Variants in AIG1 observed in about 807,000 individuals in gnomAD.
AIG1 encodes androgen-induced gene 1 protein.
A neutral mutation model predicts 31.4 loss-of-function variants in AIG1; 23 were observed. That is an observed-to-expected ratio of 0.73 (90% CI 0.53 to 1.04). AIG1 has a LOEUF of 1.04. Ranked by LOEUF, AIG1 falls within the 50% of genes least tolerant of loss-of-function variation. AIG1 has a pLI of 0.00. For missense variants in AIG1, 274 were observed against 295.0 expected (o/e 0.93, Z 0.52); for synonymous variants, 100 against 110.5 (o/e 0.90, Z 0.60).
chr6:143,221,940 T>A (rs1792550386), intron 3 of AIG1, among the ~76,000 whole-genome samples: 1 of 152,164 alleles, frequency 6.6e-6, no homozygotes, highest in Non-Finnish European at 1.5e-5. Flanking sequence ...GTCGACAGGA[T>A]GATAAGGTAG....
At chr6:143,188,042 A>T (rs1789431918) in intron 3 of AIG1, 2 of 1,079,954 alleles carry the variant, frequency 1.9e-6, no homozygotes, top group Non-Finnish European at 2.3e-6. Context: ...GTGATTTTTA[A>T]AAAACATTTG....
rs573718567 is a variant in AIG1, at chr6:143,198,301, C to A, written c.399+33118C>A. ...ATGCAAACAAAAGTTTGCCTAGAACCAAACCCAGCCAGCCTTTCTACTTTG... is the reference window on the plus strand; with the variant it reads ...ATGCAAACAAAAGTTTGCCTAGAACAAAACCCAGCCAGCCTTTCTACTTTG... On this transcript the variant is annotated intron_variant, in intron 3 of 5. Coordinates refer to ENST00000357847, the MANE Select transcript of AIG1 (RefSeq NM_016108.4). Among the ~76,000 whole-genome samples the A allele has an allele frequency of 2.6e-5, 4 of 152,264 alleles. No homozygotes were observed. The East Asian group carries it at 7.7e-4, about 29-fold the overall frequency.
chr6:143,229,703 G>A (rs1793287206), intron 3 of AIG1, among the ~76,000 whole-genome samples: 1 of 147,672 alleles, frequency 6.8e-6, no homozygotes, highest in Non-Finnish European at 1.5e-5. Context: ...GATGATCAAG[G>A]CAATGCCCTT....
chr6:143,116,824 G>C (rs1781780498), intron 1 of AIG1, among the ~76,000 whole-genome samples: 1 of 151,708 alleles, frequency 6.6e-6, no homozygotes, highest in South Asian at 2.1e-4. Context: ...CTTGTGAAAG[G>C]CATCCAGTTT....
At chr6:143,224,167 G>A (rs1792754006) in intron 3 of AIG1, among the ~76,000 whole-genome samples, 1 of 152,296 alleles carries the variant, frequency 6.6e-6, no homozygotes, top group South Asian at 2.1e-4. Flanking sequence ...TAACTAGAGG[G>A]TGATTTCGCT....
intron 5 of AIG1, among the ~76,000 whole-genome samples, chr6:143,337,680 T>C (rs974294649): frequency 3.9e-5 from 6 of 152,210 alleles, no homozygotes; most frequent in Non-Finnish European, 7.3e-5. Flanking sequence ...GAGACGTCTA[T>C]GTGTGCAGAA....
intron 1 of AIG1, among the ~76,000 whole-genome samples, chr6:143,114,867 G>C (rs1008632445): frequency 6.6e-6 from 1 of 152,220 alleles, no homozygotes; most frequent in Non-Finnish European, 1.5e-5. Flanking sequence ...TTGTGAGATA[G>C]AGATAGCTGG....
intron 4 of AIG1, among the ~76,000 whole-genome samples, chr6:143,323,740 G>A (rs1776402927): frequency 2.0e-5 from 3 of 152,004 alleles, no homozygotes; most frequent in South Asian, 2.1e-4. Flanking sequence ...TCACAGCCAC[G>A]CAATCCCCAC....
chr6:143,154,125 G>A (rs1562434789), intron 2 of AIG1, among the ~76,000 whole-genome samples: 1 of 151,864 alleles, frequency 6.6e-6, no homozygotes, highest in South Asian at 2.1e-4. Context: ...GGGTCTCACT[G>A]CCTGACCTCA....
At chr6:143,147,566 C>T (rs766234018) in intron 2 of AIG1, among the ~76,000 whole-genome samples, 5 of 152,054 alleles carry the variant, frequency 3.3e-5, no homozygotes, top group African/African-American at 4.8e-5. Context: ...GCCCAGGGGG[C>T]GGCTATTACA....
chr6:143,105,556 A>T (rs1368242973), intron 1 of AIG1, among the ~76,000 whole-genome samples: 2 of 152,188 alleles, frequency 1.3e-5, no homozygotes, highest in Non-Finnish European at 2.9e-5. Flanking sequence ...TGATACCAAT[A>T]TTTCTCCCAC....
chr6:143,306,233 T>C (rs1337114397), intron 4 of AIG1, among the ~76,000 whole-genome samples: 13 of 152,158 alleles, frequency 8.5e-5, no homozygotes, highest in Admixed American at 4.6e-4. Context: ...ACATTTAAAG[T>C]TAATATTGTT....
intron 3 of AIG1, among the ~76,000 whole-genome samples, chr6:143,267,295 T>C (rs1027691886): frequency 1.4e-4 from 21 of 152,202 alleles, no homozygotes; most frequent in Admixed American, 1.3e-3. Flanking sequence ...TCTTCATGCA[T>C]CCTAGCTTTT....
intron 1 of AIG1, among the ~76,000 whole-genome samples, chr6:143,075,214 A>T (rs762724398): frequency 1.3e-5 from 2 of 152,054 alleles, no homozygotes; most frequent in Non-Finnish European, 2.9e-5. Context: ...TAGGAGTTAA[A>T]CAAATTTTTA....
At chr6:143,134,626 GAAAT>G (rs1783567554) in intron 1 of AIG1, among the ~76,000 whole-genome samples, 1 of 151,712 alleles carries the variant, frequency 6.6e-6, no homozygotes, top group South Asian at 2.1e-4. Flanking sequence ...ATTATATCAC[GAAAT>G]AAATAGAGTA....
intron 1 of AIG1, among the ~76,000 whole-genome samples, chr6:143,108,544 C>T (rs1015822111): frequency 1.3e-5 from 2 of 152,206 alleles, no homozygotes; most frequent in Admixed American, 1.3e-4. Context: ...TTAACAACTT[C>T]AGCTGGGATG....
rs1797243623 is a variant in AIG1, at chr6:143,280,109, G to C, written c.400-4001G>C. On this transcript the variant is annotated intron_variant, in intron 3 of 5. Transcript: ENST00000357847. This position sits in a 1 kb window ranked among gnomAD's most constrained non-coding sequence, Gnocchi z 4.1. ...GGATCTACATCTACCTGAAAATACT[G>C]TAAGTTGTAAATGGTATTTGTGTTT... 6.6e-6 allele frequency among the ~76,000 whole-genome samples: 1 copy of C among 152,198 alleles called. No individual in the cohort carries two copies. The highest frequency in any genetic ancestry group is 1.5e-5 in the Non-Finnish European group (1 of 68,026).
At chr6:143,139,004 G>A (rs1051099147) in intron 2 of AIG1, among the ~76,000 whole-genome samples, 10 of 151,718 alleles carry the variant, frequency 6.6e-5, no homozygotes, top group Non-Finnish European at 1.3e-4. Context: ...TTTGACTTAT[G>A]TTGTAAATTT....
intron 2 of AIG1, among the ~76,000 whole-genome samples, chr6:143,156,519 A>G (rs541001078): frequency 6.6e-6 from 1 of 152,216 alleles, no homozygotes; most frequent in African/African-American, 2.4e-5. Context: ...TACTTTTTAT[A>G]CATTTCCTTA....
Sources: gnomAD v4.1 joint callset for allele counts (sites outside exome capture counted in the v4.1 genomes callset) on GRCh38, gnomAD v4.1.1 for gene constraint, Gnocchi (gnomAD v3.1) non-coding constraint, MANE v1.5 for transcripts, NCBI Gene and HGNC (gene_info 2026-07-23, HGNC 2026-07-21) for gene names.